Variants in ANKRD30B observed in about 807,000 individuals in gnomAD.
The protein encoded by ANKRD30B is ankyrin repeat domain 30B, also known as ankyrin repeat domain-containing protein 30B.
A neutral mutation model predicts 202.2 loss-of-function variants in ANKRD30B; 144 were observed. The observed-to-expected ratio is 0.71, with a 90% CI of 0.62 to 0.82. The LOEUF is 0.82. ANKRD30B is among the 40% of genes least tolerant of loss of function. The probability of loss-of-function intolerance (pLI) is 0.00; values close to 1 mark genes in which losing one functional copy is unlikely to be tolerated. For synonymous variants in ANKRD30B, 508 were observed against 561.3 expected (o/e 0.91, Z 1.34); for missense variants, 1,487 against 1,669.1 (o/e 0.89, Z 1.90).
intron 1 of ANKRD30B, among the ~76,000 whole-genome samples, chr18:14,751,540 C>A (rs1365116020): frequency 1.0e-4 from 3 of 28,720 alleles, no homozygotes; most frequent in Non-Finnish European, 2.5e-4. Flanking sequence ...AGATAACTAC[C>A]AACCAGGTTT....
At chr18:14,888,102 C>T in the ANKRD30B span, among the ~76,000 whole-genome samples, 1 of 151,968 alleles carries the variant, frequency 6.6e-6, no homozygotes, top group East Asian at 1.9e-4. Flanking sequence ...TAAGCATGTT[C>T]TAATCCTGTA....
chr18:14,878,138 G>T, the ANKRD30B span, among the ~76,000 whole-genome samples: 1 of 152,182 alleles, frequency 6.6e-6, no homozygotes, highest in African/African-American at 2.4e-5. Context: ...CGAGATGCTC[G>T]TGTGCTGTGC....
chr18:14,842,446 T>C (rs1314646231), intron 37 of ANKRD30B, among the ~76,000 whole-genome samples: 1 of 152,190 alleles, frequency 6.6e-6, no homozygotes, highest in Non-Finnish European at 1.5e-5. Context: ...CATAACGGTG[T>C]ACCATCTCAA....
chr18:14,782,050 A>G lies in ANKRD30B; in HGVS notation c.1483-477A>G, dbSNP rs373338582. Among the ~76,000 whole-genome samples, 27 of 152,326 alleles carry G rather than the reference A, an allele frequency of 1.8e-4. No individual in the cohort carries two copies. In the East Asian group the frequency reaches 4.1e-3, roughly 23 times the overall value. On this transcript the variant is annotated intron_variant, in intron 11 of 43. Coordinates refer to ENST00000690538, the MANE Select transcript of ANKRD30B (RefSeq NM_001367607.2). The stretch of plus-strand genomic sequence containing the variant: ...CAGGTTGCCTTCAACCATATCCATT[A>G]CCAAAGTTATGCAAACTTCTCGGCC...
chr18:14,837,508 TA>T (rs1178967639), intron 35 of ANKRD30B, 106 bp from the exon 36 acceptor site: 24 of 1,008,984 alleles, frequency 2.4e-5, no homozygotes, highest in Non-Finnish European at 2.0e-5. Context: ...TTTTTGCTAT[TA>T]TTTTTATTTT....
At chr18:14,886,876 A>T in the ANKRD30B span, among the ~76,000 whole-genome samples, 2 of 152,104 alleles carry the variant, frequency 1.3e-5, no homozygotes, top group Non-Finnish European at 2.9e-5. Context: ...TCAGAATACC[A>T]TTCATGCTCT....
At chr18:14,911,229 T>G in the ANKRD30B span, among the ~76,000 whole-genome samples, 2 of 152,272 alleles carry the variant, frequency 1.3e-5, no homozygotes, top group Admixed American at 1.3e-4. Context: ...TTTTCCTAGA[T>G]TTTCTTCTAA....
intron 9 of ANKRD30B, among the ~76,000 whole-genome samples, chr18:14,773,060 T>G (rs1567996322): frequency 6.6e-6 from 1 of 152,222 alleles, no homozygotes; most frequent in Non-Finnish European, 1.5e-5. Context: ...AAGTATGCTT[T>G]AAATTCTTCA....
the ANKRD30B span, among the ~76,000 whole-genome samples, chr18:14,864,189 G>C: frequency 7.9e-5 from 12 of 152,014 alleles, no homozygotes; most frequent in African/African-American, 2.9e-4. Flanking sequence ...TGCAAAATTA[G>C]CTGGGCGTCG....
intron 6 of ANKRD30B, among the ~76,000 whole-genome samples, chr18:14,761,620 A>G (rs1185351600): frequency 6.6e-6 from 1 of 152,232 alleles, no homozygotes. Flanking sequence ...TGGCCTTCCA[A>G]GGAGATTTGT....
chr18:14,937,738 TGCCTTTCGTTGCTTC>T, the ANKRD30B span, among the ~76,000 whole-genome samples: 16 of 152,374 alleles, frequency 1.1e-4, no homozygotes, highest in African/African-American at 2.6e-4. Context: ...TCTGTTGCTT[TGCCTTTCGTTGCTTC>T]GCCTTTCGTT....
At chr18:14,863,874 C>G in the ANKRD30B span, among the ~76,000 whole-genome samples, 1 of 149,588 alleles carries the variant, frequency 6.7e-6, no homozygotes, top group African/African-American at 2.5e-5. Context: ...GCTAGCAAAC[C>G]AAATCCATCA....
chr18:14,838,572 C>T (rs1405910916), intron 36 of ANKRD30B, among the ~76,000 whole-genome samples: 1 of 151,992 alleles, frequency 6.6e-6, no homozygotes, highest in Non-Finnish European at 1.5e-5. Flanking sequence ...TGTTTGCAGC[C>T]ACATAGGTAT....
chr18:14,797,742 T>C (rs749242504), intron 19 of ANKRD30B, 40 bp from the exon 20 acceptor site: 10 of 1,601,016 alleles, frequency 6.2e-6, no homozygotes, highest in Admixed American at 5.1e-5. Context: ...TTTTGAAGTG[T>C]ACATTATATA....
the ANKRD30B span, among the ~76,000 whole-genome samples, chr18:14,925,287 G>A: frequency 1.3e-5 from 2 of 151,958 alleles, no homozygotes; most frequent in South Asian, 2.1e-4. Context: ...AGAGAGCCAG[G>A]GGCTGAGCTC....
the ANKRD30B span, among the ~76,000 whole-genome samples, chr18:14,879,399 A>G: frequency 1.2e-3 from 183 of 152,298 alleles, no homozygotes; most frequent in African/African-American, 4.1e-3. Flanking sequence ...TCGCTCATAT[A>G]ACAAGCACCT....
chr18:14,852,485 T>C, intron 42 of ANKRD30B, 65 bp downstream of exon 42: 2 of 1,465,426 alleles, frequency 1.4e-6, no homozygotes, highest in Non-Finnish European at 1.8e-6. Context: ...GGCTAAATGC[T>C]GAATCTAGTT....
intron 14 of ANKRD30B, 118 bp from the exon 15 acceptor site, chr18:14,786,921 T>C: frequency 2.0e-6 from 2 of 993,048 alleles, no homozygotes; most frequent in Non-Finnish European, 2.9e-6. Flanking sequence ...ACAAAAAGAA[T>C]ATACAGGCTA....
At position 14,791,433 on chromosome 18, in the gene ANKRD30B, G is replaced by A. The variant is rs773229455; in HGVS notation, c.1767G>A (p.Val589=). 6.2e-7 allele frequency: 1 copy of A among 1,611,060 alleles called. No homozygotes were observed. The highest frequency in any genetic ancestry group is 1.3e-5 in the African/African-American group (1 of 74,736). ...SPCETVSQKD[V]YLPKATHQKE... is the part of the protein sequence containing the mutation. ...GTGAGACGGTTTCACAGAAGGATGT[G>A]TATTTACCCAAAGCTACACATCAAA... is the stretch of plus-strand genomic sequence containing the variant. Residue 589 remains valine, a synonymous_variant, in exon 16 of 44, where the codon GTG becomes GTA. Transcript: ENST00000690538.
Sources: gnomAD v4.1 joint callset for allele counts (sites outside exome capture counted in the v4.1 genomes callset) on GRCh38, gnomAD v4.1.1 for gene constraint, MANE v1.5 for transcripts, NCBI Gene and HGNC (gene_info 2026-07-23, HGNC 2026-07-21) for gene names.